The following COPS4 variants were observed in gnomAD, a reference collection of about 807,000 sequenced individuals.
The protein encoded by COPS4 is COP9 signalosome subunit 4.
Under a neutral mutation model 55.1 loss-of-function variants are expected in COPS4, and 8 were observed. The observed-to-expected ratio is 0.15, with a 90% confidence interval of 0.09 to 0.26. The LOEUF is 0.26. Ranked by LOEUF, COPS4 falls within the 10% of genes least tolerant of loss-of-function variation. The pLI, the probability that COPS4 is intolerant of heterozygous loss-of-function variation, is 1.00. For missense variants in COPS4, 248 were observed against 484.0 expected, an observed-to-expected ratio of 0.51 and a Z score of 4.58; for synonymous variants, 185 against 165.7, an observed-to-expected ratio of 1.12 and a Z score of -0.90.
At position 83,044,098 on chromosome 4, in the gene COPS4, C is replaced by T. The variant is rs575235036; in HGVS notation, c.75-1528C>T. On this transcript the variant is annotated intron_variant, in intron 1 of 9. Transcript: ENST00000264389. The stretch of plus-strand genomic sequence containing the variant: ...TCGTAACTCTATTCTGGATGACTTT[C>T]CGAATAATTGCAATGCTATGAGGTT... 4.6e-5 allele frequency among the ~76,000 whole-genome samples: 7 copies of T among 152,288 alleles called. No individual in the cohort carries two copies. In the South Asian group the frequency reaches 1.4e-3, roughly 32 times the overall value.
At chr4:83,070,422 CAT>C (rs1731394298) in intron 9 of COPS4, among the ~76,000 whole-genome samples, 1 of 151,898 alleles carries the variant, frequency 6.6e-6, no homozygotes, top group East Asian at 1.9e-4. Flanking sequence ...TTAGCATGAA[CAT>C]ATCAAAAACT....
chr4:83,045,774 T>A, intron 2 of COPS4, 69 bp downstream of exon 2: 1 of 932,488 alleles, frequency 1.1e-6, no homozygotes, highest in Non-Finnish European at 1.7e-6. Flanking sequence ...CTCTCAAGCC[T>A]TGTTTTGTAT....
At chr4:83,074,969 A>G (rs1001700588) in intron 9 of COPS4, among the ~76,000 whole-genome samples, 7 of 151,756 alleles carry the variant, frequency 4.6e-5, no homozygotes, top group Middle Eastern at 3.2e-3. Context: ...AGAAATACAG[A>G]AATTAGTCAC....
chr4:83,060,632 T>G (rs184096875), intron 6 of COPS4, among the ~76,000 whole-genome samples: 31 of 152,046 alleles, frequency 2.0e-4, no homozygotes, highest in African/African-American at 7.2e-4. Flanking sequence ...TCTTACAGAT[T>G]AGTTGCAATG....
At chr4:83,048,012 AT>A (rs67072582) in intron 2 of COPS4, among the ~76,000 whole-genome samples, 59,811 of 145,476 alleles carry the variant, frequency 0.41, 13,950 homozygotes, top group Admixed American at 0.54. Flanking sequence ...AAAAAAAAAA[AT>A]AATAATAATA....
chr4:83,052,776 G>A lies in COPS4; in HGVS notation c.410+2792G>A, dbSNP rs144842474. ...TAATTTTTGTATTTTTAGTAGAAAC[G>A]GGGTTTCACCATGTTGCCCAGGCTG... is the stretch of plus-strand genomic sequence containing the variant. On this transcript the variant is annotated intron_variant, in intron 4 of 9. Coordinates refer to ENST00000264389, the MANE Select transcript of COPS4 (RefSeq NM_016129.3). Among the ~76,000 whole-genome samples the A allele has an allele frequency of 7.2e-3, 1,103 of 152,140 alleles. 10 individuals are homozygous for A. The highest frequency in any genetic ancestry group is 0.025 in the African/African-American group (1,030 of 41,492).
chr4:83,036,320 G>A (rs1232367064), intron 1 of COPS4, among the ~76,000 whole-genome samples: 1 of 151,434 alleles, frequency 6.6e-6, no homozygotes, highest in Non-Finnish European at 1.5e-5. Flanking sequence ...TGCCTCTCAA[G>A]TTGATCTTAA....
intron 4 of COPS4, among the ~76,000 whole-genome samples, chr4:83,051,656 C>G (rs930135900): frequency 5.3e-5 from 8 of 151,860 alleles, no homozygotes; most frequent in Non-Finnish European, 7.4e-5. Flanking sequence ...ATATGATATC[C>G]AAGTAGAAAT....
chr4:83,055,865 G>A (rs1731000184), intron 4 of COPS4, among the ~76,000 whole-genome samples: 1 of 151,626 alleles, frequency 6.6e-6, no homozygotes, highest in African/African-American at 2.4e-5. Flanking sequence ...TATCCTTTTA[G>A]ATGAATATGT....
intron 6 of COPS4, among the ~76,000 whole-genome samples, chr4:83,057,648 C>T (rs967112173): frequency 1.1e-4 from 16 of 152,164 alleles, no homozygotes; most frequent in Admixed American, 8.5e-4. Flanking sequence ...GAGGGCTGGG[C>T]GCGGTGGCTC....
chr4:83,071,425 AT>A (rs200990181), intron 9 of COPS4, among the ~76,000 whole-genome samples: 5 of 151,326 alleles, frequency 3.3e-5, no homozygotes, highest in East Asian at 3.9e-4. Context: ...TGTTATAATG[AT>A]TTTTTTTTCT....
rs796336355 is a variant in COPS4 at position 83,041,048 on chromosome 4, G to GT, written c.75-4566dup. 4.1e-3 allele frequency among the ~76,000 whole-genome samples: 563 copies of GT among 138,276 alleles called. 2 individuals are homozygous for GT. The highest frequency in any genetic ancestry group is 0.012 in the Middle Eastern group (3 of 258). The allele number at this position is 138,276 out of a possible 152,430, so 90.7% of individuals were successfully genotyped here. On this transcript the variant is annotated intron_variant, in intron 1 of 9. Coordinates refer to ENST00000264389, the MANE Select transcript of COPS4 (RefSeq NM_016129.3). ...TAATAAAACTTATTTTCCTCCATAA[G>GT]TTTTTTTTTTTTGTTTTTTGTTTTT...
intron 3 of COPS4, chr4:83,049,665 A>C (rs1724108991): frequency 1.9e-6 from 1 of 513,558 alleles, no homozygotes; most frequent in South Asian, 2.7e-5. Context: ...GTATTGTACC[A>C]TAATCCACAT....
At chr4:83,068,969 CAAAA>C (rs5859859) in intron 9 of COPS4, among the ~76,000 whole-genome samples, 3 of 129,360 alleles carry the variant, frequency 2.3e-5, no homozygotes, top group Non-Finnish European at 3.4e-5. Context: ...GACTCTGTCT[CAAAA>C]AAAAAAAAAA....
At chr4:83,053,529 G>A (rs1476775060) in intron 4 of COPS4, among the ~76,000 whole-genome samples, 1 of 151,936 alleles carries the variant, frequency 6.6e-6, no homozygotes, top group African/African-American at 2.4e-5. Context: ...GAGAAAATGA[G>A]GTAGAAAAAC....
chr4:83,065,048 AT>A (rs1156926007), intron 7 of COPS4: 3 of 689,448 alleles, frequency 4.4e-6, no homozygotes, highest in South Asian at 1.5e-5. Context: ...TAATTTTTAA[AT>A]TTTTTTGTAG....
At chr4:83,053,249 T>C (rs144328113) in intron 4 of COPS4, among the ~76,000 whole-genome samples, 1 of 152,318 alleles carries the variant, frequency 6.6e-6, no homozygotes, top group East Asian at 1.9e-4. Flanking sequence ...CCATCACATT[T>C]CAGCTACATG....
At chr4:83,045,198 A>G (rs902148504) in intron 1 of COPS4, among the ~76,000 whole-genome samples, 10 of 152,230 alleles carry the variant, frequency 6.6e-5, no homozygotes, top group Non-Finnish European at 1.0e-4. Flanking sequence ...GGTCACCTCA[A>G]ATAATGTTTT....
intron 4 of COPS4, among the ~76,000 whole-genome samples, chr4:83,055,037 A>G (rs985634812): frequency 1.3e-5 from 2 of 152,260 alleles, no homozygotes; most frequent in Non-Finnish European, 2.9e-5. Context: ...CAAGGAATAA[A>G]TTTGCATAAA....
Sources: allele counts gnomAD v4.1 joint callset (sites outside exome capture counted in the v4.1 genomes callset), GRCh38; gene constraint gnomAD v4.1.1; transcripts MANE v1.5; gene names NCBI Gene and HGNC (gene_info 2026-07-23, HGNC 2026-07-21).